BACH2: variants seen among roughly 807,000 people sequenced by gnomAD.
The protein encoded by BACH2 is transcription regulator protein BACH2.
Under a neutral mutation model 61.8 loss-of-function variants are expected in BACH2, and 5 were observed. The observed-to-expected ratio is 0.08, with a 90% CI of 0.04 to 0.17. The LOEUF (loss-of-function observed/expected upper bound fraction) is 0.17, where lower values mean the gene tolerates loss of function less well. BACH2 is among the 10% of genes least tolerant of loss of function. The pLI is 1.00. For synonymous variants in BACH2, 446 were observed against 440.1 expected (o/e 1.01, Z -0.17); for missense variants, 824 against 1,091.1 (o/e 0.76, Z 3.45).
At chr6:90,175,701 T>C (rs780592197) in intron 4 of BACH2, among the ~76,000 whole-genome samples, 1 of 152,148 alleles carries the variant, frequency 6.6e-6, no homozygotes, top group Non-Finnish European at 1.5e-5. Flanking sequence ...TTCTGCATAT[T>C]AGATGTTTTG....
At chr6:90,048,838 A>T (rs1271207362) in intron 5 of BACH2, among the ~76,000 whole-genome samples, 1 of 152,206 alleles carries the variant, frequency 6.6e-6, no homozygotes, top group Non-Finnish European at 1.5e-5. Context: ...CCTGGGAAGA[A>T]GCTGAAGGAT....
At chr6:90,223,380 G>A (rs1769805772) in intron 3 of BACH2, among the ~76,000 whole-genome samples, 1 of 152,120 alleles carries the variant, frequency 6.6e-6, no homozygotes, top group African/African-American at 2.4e-5. Context: ...CCTACAAAAT[G>A]TTCCATAATG....
intron 3 of BACH2, among the ~76,000 whole-genome samples, chr6:90,220,027 T>C (rs541089250): frequency 7.9e-4 from 121 of 152,238 alleles, no homozygotes; most frequent in Middle Eastern, 3.4e-3. Context: ...AATAAGAACA[T>C]GCAGCCGCTT....
At chr6:90,001,784 G>C (rs2127778335) in intron 6 of BACH2, among the ~76,000 whole-genome samples, 1 of 152,296 alleles carries the variant, frequency 6.6e-6, no homozygotes, top group Middle Eastern at 3.4e-3. Context: ...TACAAATTTA[G>C]TCTTCCTGTG....
intron 5 of BACH2, among the ~76,000 whole-genome samples, chr6:90,013,199 T>C (rs1296108759): frequency 2.0e-5 from 3 of 152,208 alleles, no homozygotes; most frequent in African/African-American, 7.2e-5. Context: ...ACATAGAAGA[T>C]TATGTTGTCT....
chr6:89,993,370 T>C (rs1390821136), intron 6 of BACH2, among the ~76,000 whole-genome samples: 1 of 152,092 alleles, frequency 6.6e-6, no homozygotes, highest in African/African-American at 2.4e-5. Flanking sequence ...AAAAGGTAAT[T>C]TAGGGAGCAA....
At chr6:90,281,408 A>AT (rs1398677412) in intron 1 of BACH2, among the ~76,000 whole-genome samples, 1 of 152,224 alleles carries the variant, frequency 6.6e-6, no homozygotes, top group Non-Finnish European at 1.5e-5. Context: ...TTTAAAAACA[A>AT]TTAAGAAGAA....
At chr6:90,285,192 T>C (rs1771980027) in intron 1 of BACH2, among the ~76,000 whole-genome samples, 1 of 152,172 alleles carries the variant, frequency 6.6e-6, no homozygotes, top group African/African-American at 2.4e-5. Flanking sequence ...TCTCTGAAAA[T>C]ACATGCTAGC....
chr6:90,152,204 C>T (rs1365834749), intron 4 of BACH2, among the ~76,000 whole-genome samples: 3 of 152,176 alleles, frequency 2.0e-5, no homozygotes, highest in Non-Finnish European at 4.4e-5. Context: ...CATTCCCGGG[C>T]ATATAATTTT....
At position 89,950,070 on chromosome 6, in the gene BACH2, A is replaced by T; in HGVS notation, c.1836+200T>A. 1 of 638,688 alleles carries T rather than the reference A, an allele frequency of 1.6e-6. No individual in the cohort carries two copies. The allele number at this position is 638,688 out of a possible 1,614,324, so 39.6% of individuals were successfully genotyped here. Reference sequence around the variant, plus strand: ...AGTATTGAGATCCAGATCAAATATCAAGTGCTTTTCTAGGACAGAAGTGGT... The same window carrying T: ...AGTATTGAGATCCAGATCAAATATCTAGTGCTTTTCTAGGACAGAAGTGGT... On this transcript the variant is annotated intron_variant, in intron 7 of 8. Transcript: ENST00000257749. This position sits in a 1 kb window ranked among gnomAD's most constrained non-coding sequence, Gnocchi z 5.3.
chr6:90,275,364 C>G (rs913423727), intron 1 of BACH2, among the ~76,000 whole-genome samples: 1 of 152,262 alleles, frequency 6.6e-6, no homozygotes, highest in South Asian at 2.1e-4. Flanking sequence ...CCTCCCCCTA[C>G]CTGGGATGCT....
intron 5 of BACH2, among the ~76,000 whole-genome samples, chr6:90,075,472 C>T (rs1204915657): frequency 6.6e-6 from 1 of 152,172 alleles, no homozygotes; most frequent in Non-Finnish European, 1.5e-5. Context: ...CTCCTGTCCA[C>T]ACTCAAACCT....
chr6:89,960,523 A>G (rs912886267), intron 6 of BACH2, among the ~76,000 whole-genome samples: 1 of 152,248 alleles, frequency 6.6e-6, no homozygotes, highest in Admixed American at 6.5e-5. Flanking sequence ...AGTCTGGCCA[A>G]TTGGATGCAG....
chr6:90,290,527 A>T (rs1289780931), intron 1 of BACH2, among the ~76,000 whole-genome samples: 3 of 152,246 alleles, frequency 2.0e-5, no homozygotes. Context: ...CCCATTTTGC[A>T]CTATCCACGA....
At chr6:90,018,774 T>C (rs1778212619) in intron 5 of BACH2, among the ~76,000 whole-genome samples, 1 of 152,162 alleles carries the variant, frequency 6.6e-6, no homozygotes, top group Non-Finnish European at 1.5e-5. Flanking sequence ...ATTTGTGAGG[T>C]TTGTTATCTG....
chr6:90,089,580 T>C (rs1286200993), intron 4 of BACH2, among the ~76,000 whole-genome samples: 1 of 152,178 alleles, frequency 6.6e-6, no homozygotes, highest in African/African-American at 2.4e-5. Context: ...CAAATGTGTT[T>C]CGTTTTAAAA....
chr6:90,222,052 A>C (rs1769752428), intron 3 of BACH2, among the ~76,000 whole-genome samples: 1 of 152,228 alleles, frequency 6.6e-6, no homozygotes, highest in African/African-American at 2.4e-5. Flanking sequence ...AAAAAGTATT[A>C]TTTTAACATG....
At chr6:90,083,203 G>A (rs1353830538) in intron 5 of BACH2, among the ~76,000 whole-genome samples, 1 of 152,060 alleles carries the variant, frequency 6.6e-6, no homozygotes, top group Admixed American at 6.6e-5. Flanking sequence ...ATCCAAAAAA[G>A]AGCACACAAA....
chr6:90,068,790 T>C (rs1433846918), intron 5 of BACH2, among the ~76,000 whole-genome samples: 1 of 152,168 alleles, frequency 6.6e-6, no homozygotes, highest in Non-Finnish European at 1.5e-5. Context: ...TTCTAAGGGA[T>C]GCACCTGGAG....
Sources: allele counts gnomAD v4.1 joint callset (sites outside exome capture counted in the v4.1 genomes callset), GRCh38; gene constraint gnomAD v4.1.1; non-coding constraint Gnocchi (gnomAD v3.1); transcripts MANE v1.5; gene names NCBI Gene and HGNC (gene_info 2026-07-23, HGNC 2026-07-21).